The following KCNMB2 variants were observed in gnomAD, a reference collection of about 807,000 sequenced individuals.
KCNMB2 encodes the protein calcium-activated potassium channel subunit beta-2.
KCNMB2 carries 9 observed loss-of-function variants against 24.5 expected under a neutral mutation model. The ratio of observed to expected loss-of-function variants is 0.37; its 90% CI spans 0.22 to 0.64. The LOEUF (loss-of-function observed/expected upper bound fraction) is 0.64. Among genes scored for constraint, KCNMB2 ranks in the 30% least tolerant of loss-of-function variants. KCNMB2 has a pLI of 0.63. For missense variants in KCNMB2, 226 were observed against 284.3 expected (o/e 0.79, Z 1.47); for synonymous variants, 109 against 104.4 (o/e 1.04, Z -0.27).
chr3:178,600,475 A>G (rs1281213297), intron 1 of KCNMB2, among the ~76,000 whole-genome samples: 1 of 152,224 alleles, frequency 6.6e-6, no homozygotes, highest in African/African-American at 2.4e-5. Context: ...TAATTTTTTA[A>G]GGAATACATT....
At chr3:178,575,842 GT>G (rs1253970618) in intron 1 of KCNMB2, among the ~76,000 whole-genome samples, 1 of 152,158 alleles carries the variant, frequency 6.6e-6, no homozygotes, top group African/African-American at 2.4e-5. Context: ...TGTCATCCCT[GT>G]TGGTAACACT....
intron 1 of KCNMB2, among the ~76,000 whole-genome samples, chr3:178,551,747 A>G (rs972044775): frequency 6.6e-6 from 1 of 152,212 alleles, no homozygotes; most frequent in African/African-American, 2.4e-5. Context: ...AAAGTTCAGA[A>G]GAGTCCTAAA....
chr3:178,730,405 AC>A lies in KCNMB2; in HGVS notation c.-67-76931del, dbSNP rs71181246. On this transcript the variant is annotated intron_variant, in intron 1 of 4. Coordinates refer to ENST00000452583, the MANE Select transcript of KCNMB2 (RefSeq NM_181361.3). ...ATCTTTGTCACTACTGTCCCCCAAC[AC>A]CCCCCCACACACACACACACACACA... Among the ~76,000 whole-genome samples, 59 of 112,226 alleles carry A rather than the reference AC, an allele frequency of 5.3e-4. 1 individual carries two copies. The highest frequency in any genetic ancestry group is 2.0e-4 in the Non-Finnish European group (11 of 55,358). The allele number at this position is 112,226 out of a possible 152,430, so 73.6% of individuals were successfully genotyped here.
intron 1 of KCNMB2, among the ~76,000 whole-genome samples, chr3:178,645,068 T>A (rs1252920095): frequency 8.5e-6 from 1 of 117,520 alleles, no homozygotes; most frequent in Admixed American, 8.2e-5. Flanking sequence ...TTTTTTTTTT[T>A]GAGATGAGTT....
chr3:178,760,839 A>C (rs1157934986), intron 1 of KCNMB2, among the ~76,000 whole-genome samples: 1 of 151,966 alleles, frequency 6.6e-6, no homozygotes, highest in East Asian at 1.9e-4. Context: ...AAATACATGT[A>C]AGTGTTGGCC....
chr3:178,667,909 G>A (rs1266783490), intron 1 of KCNMB2, among the ~76,000 whole-genome samples: 1 of 152,114 alleles, frequency 6.6e-6, no homozygotes, highest in East Asian at 1.9e-4. Flanking sequence ...AGTCCACAGT[G>A]GGTGGTTGGC....
intron 1 of KCNMB2, among the ~76,000 whole-genome samples, chr3:178,660,842 C>A (rs1003119490): frequency 6.6e-6 from 1 of 152,084 alleles, no homozygotes; most frequent in Non-Finnish European, 1.5e-5. Context: ...TTATTCCCAG[C>A]ATTTTCTTCC....
intron 1 of KCNMB2, among the ~76,000 whole-genome samples, chr3:178,559,574 C>A (rs1323271834): frequency 6.6e-6 from 1 of 150,920 alleles, no homozygotes; most frequent in Non-Finnish European, 1.5e-5. Flanking sequence ...TATTAATTAT[C>A]CAAATATGTA....
At chr3:178,781,938 C>T (rs1439964161) in intron 1 of KCNMB2, among the ~76,000 whole-genome samples, 1 of 110,056 alleles carries the variant, frequency 9.1e-6, no homozygotes, top group Non-Finnish European at 1.8e-5. Context: ...TATCCCTCCC[C>T]CCTCCCCCCA....
chr3:178,774,690 G>A (rs543952569), intron 1 of KCNMB2, among the ~76,000 whole-genome samples: 5 of 152,316 alleles, frequency 3.3e-5, no homozygotes, highest in Admixed American at 2.0e-4. Flanking sequence ...CGTTAGGCTT[G>A]CCAAGAAACA....
rs1461607073 is a variant in KCNMB2, at chr3:178,740,573, TG to T, written c.-67-66769del. ...TCCACATAATAATCTTAGGAGCTAC[TG>T]TTAAGCTTAGTATGCCATACAAAAT... On this transcript the variant is annotated intron_variant, in intron 1 of 4. Transcript: ENST00000452583. 2.6e-5 allele frequency among the ~76,000 whole-genome samples: 4 copies of T among 152,234 alleles called. No homozygotes were observed. The East Asian group carries it at 7.7e-4, about 29-fold the overall frequency.
rs1713870731 is a variant in KCNMB2, at chr3:178,804,031, T to C, written c.-67-3312T>C. Reference sequence around the variant, plus strand: ...TGCCAGGTTCACTCCAGTTCCTAGATCATTTAATGGTGGAATTAGATTCAG... The same window carrying C: ...TGCCAGGTTCACTCCAGTTCCTAGACCATTTAATGGTGGAATTAGATTCAG... On this transcript the variant is annotated intron_variant, in intron 1 of 4. Coordinates refer to ENST00000452583, the MANE Select transcript of KCNMB2 (RefSeq NM_181361.3). Among the ~76,000 whole-genome samples, 4 of 152,210 alleles carry C rather than the reference T, an allele frequency of 2.6e-5. No homozygotes were observed. The South Asian group carries it at 6.2e-4, about 24-fold the overall frequency.
At chr3:178,778,147 G>A (rs1712658623) in intron 1 of KCNMB2, among the ~76,000 whole-genome samples, 2 of 152,078 alleles carry the variant, frequency 1.3e-5, no homozygotes, top group Admixed American at 6.6e-5. Flanking sequence ...TATGCCAAAG[G>A]GAATTTGAGA....
At chr3:178,658,877 C>T (rs555359193) in intron 1 of KCNMB2, among the ~76,000 whole-genome samples, 4 of 152,310 alleles carry the variant, frequency 2.6e-5, no homozygotes, top group Admixed American at 2.6e-4. Context: ...AGGATAATCT[C>T]ATTAAGTCTG....
rs143840955 is a variant in KCNMB2 at position 178,796,367 on chromosome 3, G to T, written c.-67-10976G>T. On this transcript the variant is annotated intron_variant, in intron 1 of 4. Coordinates refer to ENST00000452583, the MANE Select transcript of KCNMB2 (RefSeq NM_181361.3). ...GATTATCCAGACAGAAATCAGCGAA[G>T]AATCATTGGATTTAATCTGCACTAT... 8.5e-5 allele frequency among the ~76,000 whole-genome samples: 13 copies of T among 152,158 alleles called. No homozygotes were observed. In the East Asian group the frequency reaches 2.1e-3, roughly 25 times the overall value.
At chr3:178,733,207 T>A (rs1015694910) in intron 1 of KCNMB2, among the ~76,000 whole-genome samples, 4 of 152,080 alleles carry the variant, frequency 2.6e-5, no homozygotes, top group African/African-American at 9.7e-5. Context: ...ATACAGATAG[T>A]TGGAACAAGA....
At chr3:178,757,556 C>A (rs1480239410) in intron 1 of KCNMB2, among the ~76,000 whole-genome samples, 7 of 30,864 alleles carry the variant, frequency 2.3e-4, no homozygotes, top group African/African-American at 2.8e-4. Flanking sequence ...GTATATATAT[C>A]CAAGAGGATA....
chr3:178,547,362 C>A (rs1715807828), intron 1 of KCNMB2, among the ~76,000 whole-genome samples: 1 of 152,144 alleles, frequency 6.6e-6, no homozygotes, highest in Admixed American at 6.5e-5. Context: ...TAGAGTTGTT[C>A]ATGGACTATA....
At chr3:178,841,753 C>T (rs1333918725) in intron 4 of KCNMB2, 2 of 152,172 alleles carry the variant, frequency 1.3e-5, no homozygotes, top group East Asian at 1.9e-4. Context: ...CCAATCACCT[C>T]CCACCAGGTC....
Sources: gnomAD v4.1 joint callset for allele counts (sites outside exome capture counted in the v4.1 genomes callset) on GRCh38, gnomAD v4.1.1 for gene constraint, MANE v1.5 for transcripts, NCBI Gene and HGNC (gene_info 2026-07-23, HGNC 2026-07-21) for gene names.